The following MLF1 variants were observed in gnomAD, a reference collection of about 807,000 sequenced individuals.
MLF1 encodes the protein myelodysplasia-myeloid leukemia factor 1.
In MLF1, 37 loss-of-function variants were observed where a neutral mutation model predicts 38.3. The observed-to-expected ratio is 0.96, with a 90% CI of 0.74 to 1.27. The LOEUF (loss-of-function observed/expected upper bound fraction) is 1.27. Among genes scored for constraint, MLF1 ranks in the 50% most tolerant of loss-of-function variants. The pLI is 0.00. For missense variants in MLF1, 331 were observed against 349.2 expected, an observed-to-expected ratio of 0.95 and a Z score of 0.42; for synonymous variants, 95 against 106.5, an observed-to-expected ratio of 0.89 and a Z score of 0.66.
At chr3:158,601,312 G>A (rs1719711255) in intron 6 of MLF1, among the ~76,000 whole-genome samples, 1 of 152,078 alleles carries the variant, frequency 6.6e-6, no homozygotes, top group Admixed American at 6.6e-5. Flanking sequence ...ACTCACGCCT[G>A]TAATCCTGGC....
intron 6 of MLF1, among the ~76,000 whole-genome samples, chr3:158,601,120 A>C (rs1396701269): frequency 2.0e-5 from 3 of 152,130 alleles, no homozygotes; most frequent in African/African-American, 7.2e-5. Flanking sequence ...AGAGTGTTTA[A>C]ATTTTAAATT....
intron 1 of MLF1, among the ~76,000 whole-genome samples, chr3:158,573,925 T>C (rs1015962170): frequency 2.6e-5 from 4 of 152,014 alleles, no homozygotes; most frequent in African/African-American, 4.8e-5. Context: ...CTGCCTCAGC[T>C]TCACAAGTAG....
intron 1 of MLF1, among the ~76,000 whole-genome samples, chr3:158,572,425 G>T (rs1195904985): frequency 1.5e-5 from 2 of 136,448 alleles, no homozygotes; most frequent in Non-Finnish European, 3.2e-5. Context: ...GGATGGTTTG[G>T]GAGCGTGAGG....
At chr3:158,592,885 T>C (rs1718366535) in intron 2 of MLF1, among the ~76,000 whole-genome samples, 1 of 152,156 alleles carries the variant, frequency 6.6e-6, no homozygotes. Flanking sequence ...CTCTGATATC[T>C]GAAATTAGAA....
At chr3:158,589,098 AT>A (rs1717750971) in intron 1 of MLF1, among the ~76,000 whole-genome samples, 1 of 152,240 alleles carries the variant, frequency 6.6e-6, no homozygotes, top group East Asian at 1.9e-4. Context: ...AGAGCCTTTA[AT>A]TAAGAATAGT....
At chr3:158,597,714 G>A (rs542954035) in intron 4 of MLF1, among the ~76,000 whole-genome samples, 48 of 152,102 alleles carry the variant, frequency 3.2e-4, no homozygotes, top group Non-Finnish European at 1.5e-5. Flanking sequence ...TACACACAAG[G>A]GTCAACCACT....
rs546124441 is a variant in MLF1 at position 158,580,581 on chromosome 3, A to T, written c.47+9234A>T. Among the ~76,000 whole-genome samples the T allele has an allele frequency of 1.4e-4, 22 of 152,256 alleles. No individual in the cohort carries two copies. In the South Asian group the frequency reaches 4.6e-3, roughly 32 times the overall value. ...CTAGAATAGTGATTCTCAAACTTTT[A>T]ACAGGTAGGAAATCTAGGAATGGTA... is the stretch of plus-strand genomic sequence containing the variant. On this transcript the variant is annotated intron_variant, in intron 1 of 7. Transcript: ENST00000466246.
At chr3:158,587,064 G>A (rs144822803) in intron 1 of MLF1, among the ~76,000 whole-genome samples, 1 of 152,320 alleles carries the variant, frequency 6.6e-6, no homozygotes, top group African/African-American at 2.4e-5. Flanking sequence ...GAAATTGAAT[G>A]CAGATTCCTG....
In MLF1 at chr3:158,581,238, GTCCCCCATAA is replaced by G. The variant is rs568081197; in HGVS notation, c.47+9893_47+9902del. ...AAGTGTCAGAGTTAAGAACTCCATG[GTCCCCCATAA>G]TTTTGTGAGTTTTACCTCCAGGAGC... is the stretch of plus-strand genomic sequence containing the variant. On this transcript the variant is annotated intron_variant, in intron 1 of 7. Transcript: ENST00000466246. 6.2e-4 allele frequency among the ~76,000 whole-genome samples: 95 copies of G among 152,182 alleles called. 1 individual carries two copies. In the South Asian group the frequency reaches 0.019, roughly 31 times the overall value.
intron 4 of MLF1, 40 bp from the exon 5 acceptor site, chr3:158,598,040 A>T: frequency 6.2e-7 from 1 of 1,601,500 alleles, no homozygotes; most frequent in Non-Finnish European, 8.5e-7. Context: ...ATAATTATTT[A>T]TATTTGACTC....
chr3:158,576,249 A>C (rs1004840741), intron 1 of MLF1, among the ~76,000 whole-genome samples: 57 of 152,324 alleles, frequency 3.7e-4, no homozygotes, highest in Middle Eastern at 3.4e-3. Flanking sequence ...GAAAATTTAC[A>C]TTACAGTATA....
chr3:158,584,608 A>G (rs1322468910), intron 1 of MLF1, among the ~76,000 whole-genome samples: 1 of 152,066 alleles, frequency 6.6e-6, no homozygotes, highest in Non-Finnish European at 1.5e-5. Context: ...AATGAAGTAA[A>G]GGAAAATATG....
intron 1 of MLF1, among the ~76,000 whole-genome samples, chr3:158,584,785 CAAG>C (rs1296810905): frequency 2.0e-5 from 3 of 151,226 alleles, no homozygotes; most frequent in East Asian, 1.9e-4. Context: ...TACCACATTG[CAAG>C]AAGAACTGTC....
intron 1 of MLF1, among the ~76,000 whole-genome samples, chr3:158,592,014 C>T (rs1401792741): frequency 6.6e-6 from 1 of 152,126 alleles, no homozygotes; most frequent in Non-Finnish European, 1.5e-5. Flanking sequence ...TACACTTAAC[C>T]TACCGAGTAT....
chr3:158,602,988 T>TA (rs776818153), intron 7 of MLF1, 49 bp downstream of exon 7: 87 of 1,526,038 alleles, frequency 5.7e-5, no homozygotes, highest in Non-Finnish European at 6.9e-5. Context: ...GAATTTGAAG[T>TA]AAAGTTATGT....
At chr3:158,603,267 A>G (rs1253657003) in intron 7 of MLF1, among the ~76,000 whole-genome samples, 2 of 152,310 alleles carry the variant, frequency 1.3e-5, no homozygotes, top group East Asian at 3.9e-4. Flanking sequence ...ATGGATATAG[A>G]TAGAGTCATA....
In MLF1 at chr3:158,606,189, CA is replaced by C. The variant is rs1576701273; in HGVS notation, c.*988del. 5.6e-6 allele frequency: 1 copy of C among 177,254 alleles called. No individual in the cohort carries two copies. The highest frequency in any genetic ancestry group is 2.4e-5 in the African/African-American group (1 of 42,222). The allele number at this position is 177,254 out of a possible 1,614,324, so 11.0% of individuals were successfully genotyped here. A position where few individuals can be genotyped will look rare whatever the true frequency, so the allele number is the denominator to read the frequency against. Reference sequence around the variant, plus strand: ...TAGCTTTTTAATTCTAGAATTTAAGCATCAGTCTGTTCTTATAAAAGTTAGG... The same window carrying C: ...TAGCTTTTTAATTCTAGAATTTAAGCTCAGTCTGTTCTTATAAAAGTTAGG... On this transcript the variant is annotated 3_prime_UTR_variant, in exon 8 of 8. Transcript: ENST00000466246.
intron 7 of MLF1, among the ~76,000 whole-genome samples, chr3:158,604,017 G>A (rs747135101): frequency 5.9e-5 from 9 of 152,120 alleles, no homozygotes; most frequent in Admixed American, 2.0e-4. Context: ...TAAGAAAGTG[G>A]AAAATTGCTA....
intron 6 of MLF1, among the ~76,000 whole-genome samples, chr3:158,600,572 T>TTA (rs4020788): frequency 0.58 from 86,745 of 150,856 alleles, 25,725 homozygotes; most frequent in African/African-American, 0.72. Flanking sequence ...CCTAATCATT[T>TTA]TATATATATA....
Sources: gnomAD v4.1 joint callset for allele counts (sites outside exome capture counted in the v4.1 genomes callset) on GRCh38, gnomAD v4.1.1 for gene constraint, MANE v1.5 for transcripts, NCBI Gene and HGNC (gene_info 2026-07-23, HGNC 2026-07-21) for gene names.